HS6ST3: variants seen among roughly 807,000 people sequenced by gnomAD.
HS6ST3 encodes heparan sulfate 6-O-sulfotransferase 3.
Under a neutral mutation model 36.7 loss-of-function variants are expected in HS6ST3, and 12 were observed. The ratio of observed to expected loss-of-function variants is 0.33; its 90% CI spans 0.21 to 0.53. HS6ST3 has a LOEUF of 0.53. HS6ST3 is among the 20% of genes least tolerant of loss of function. The pLI is 0.95. For synonymous variants in HS6ST3, 240 were observed against 257.5 expected, an observed-to-expected ratio of 0.93 and a Z score of 0.65; for missense variants, 584 against 640.9, an observed-to-expected ratio of 0.91 and a Z score of 0.96.
intron 1 of HS6ST3, among the ~76,000 whole-genome samples, chr13:96,170,928 C>T (rs1019310910): frequency 7.9e-5 from 12 of 152,204 alleles, no homozygotes; most frequent in Admixed American, 6.5e-4. Flanking sequence ...CACACGCGCA[C>T]GTGCGCACAC....
intron 1 of HS6ST3, among the ~76,000 whole-genome samples, chr13:96,648,989 G>T (rs577338306): frequency 6.6e-6 from 1 of 152,084 alleles, no homozygotes; most frequent in Admixed American, 6.6e-5. Context: ...CCTCTCTGCA[G>T]ACCCCTATAT....
Position 96,315,960 on chromosome 13 carries a change from C to T in HS6ST3, c.707+224391C>T, listed in dbSNP as rs578162813. ...GTGCAGCAAGCCAGATATACCTCAG[C>T]ACTTGGCTTCTCCCCAGAACTTCGG... On this transcript the variant is annotated intron_variant, in intron 1 of 1. Coordinates refer to ENST00000376705, the MANE Select transcript of HS6ST3 (RefSeq NM_153456.4). Among the ~76,000 whole-genome samples, 46 of 152,236 alleles carry T rather than the reference C, an allele frequency of 3.0e-4. 1 individual carries two copies. The highest frequency in any genetic ancestry group is 9.9e-4 in the African/African-American group (41 of 41,550).
At chr13:96,698,525 A>G (rs1225775126) in intron 1 of HS6ST3, among the ~76,000 whole-genome samples, 3 of 152,200 alleles carry the variant, frequency 2.0e-5, no homozygotes, top group African/African-American at 7.2e-5. Flanking sequence ...CAAAGAGAAT[A>G]AAATACCTAG....
At chr13:96,405,970 C>T (rs971214447) in intron 1 of HS6ST3, among the ~76,000 whole-genome samples, 1 of 152,178 alleles carries the variant, frequency 6.6e-6, no homozygotes, top group Non-Finnish European at 1.5e-5. Context: ...ATAAAATTCT[C>T]ACCTTTTTCC....
At chr13:96,383,044 T>C (rs9513128) in intron 1 of HS6ST3, among the ~76,000 whole-genome samples, 144,509 of 152,306 alleles carry the variant, frequency 0.95, 68,662 homozygotes, top group East Asian at 1. Flanking sequence ...ACAACTTACC[T>C]CCACACTGTG....
At chr13:96,222,760 C>A (rs748699827) in intron 1 of HS6ST3, among the ~76,000 whole-genome samples, 2 of 152,302 alleles carry the variant, frequency 1.3e-5, no homozygotes, top group East Asian at 3.9e-4. Flanking sequence ...ACTTCTATGC[C>A]TTCTATGCCA....
At chr13:96,511,020 G>A (rs1202212056) in intron 1 of HS6ST3, among the ~76,000 whole-genome samples, 1 of 152,048 alleles carries the variant, frequency 6.6e-6, no homozygotes, top group African/African-American at 2.4e-5. Flanking sequence ...GTCCAAAATG[G>A]GATGCTTTGG....
At chr13:96,276,518 A>G (rs74881261) in intron 1 of HS6ST3, among the ~76,000 whole-genome samples, 1,740 of 152,330 alleles carry the variant, frequency 0.011, 36 homozygotes, top group African/African-American at 0.04. Flanking sequence ...TATTTTGGAA[A>G]GAGGACCAGT....
At chr13:96,563,196 TGGCTGTG>T (rs1185204233) in intron 1 of HS6ST3, among the ~76,000 whole-genome samples, 1 of 152,218 alleles carries the variant, frequency 6.6e-6, no homozygotes, top group Non-Finnish European at 1.5e-5. Flanking sequence ...TGACATAGGT[TGGCTGTG>T]GCTTAGGCAA....
At chr13:96,301,364 A>G (rs1223662436) in intron 1 of HS6ST3, among the ~76,000 whole-genome samples, 1 of 152,204 alleles carries the variant, frequency 6.6e-6, no homozygotes, top group South Asian at 2.1e-4. Flanking sequence ...AATAAGATGA[A>G]CTAGGAACAT....
At chr13:96,519,316 G>T (rs1282136750) in intron 1 of HS6ST3, among the ~76,000 whole-genome samples, 1 of 152,212 alleles carries the variant, frequency 6.6e-6, no homozygotes, top group African/African-American at 2.4e-5. Context: ...GTCTCCTAGA[G>T]AAGAGCTATG....
At chr13:96,605,956 C>A (rs1196679123) in intron 1 of HS6ST3, among the ~76,000 whole-genome samples, 1 of 151,688 alleles carries the variant, frequency 6.6e-6, no homozygotes, top group East Asian at 1.9e-4. Flanking sequence ...TACAAGCAGC[C>A]AACACACATG....
chr13:96,684,996 T>C (rs1165970066), intron 1 of HS6ST3, among the ~76,000 whole-genome samples: 1 of 152,136 alleles, frequency 6.6e-6, no homozygotes, highest in East Asian at 1.9e-4. Context: ...GTTAATTTTG[T>C]TCTTTAGCTT....
intron 1 of HS6ST3, among the ~76,000 whole-genome samples, chr13:96,513,828 C>T (rs957306237): frequency 1.3e-5 from 2 of 151,950 alleles, no homozygotes; most frequent in African/African-American, 4.8e-5. Flanking sequence ...AGGAGGCCAT[C>T]TTTGAGCAGA....
At chr13:96,219,152 C>G (rs769572718) in intron 1 of HS6ST3, among the ~76,000 whole-genome samples, 172 of 152,300 alleles carry the variant, frequency 1.1e-3, no homozygotes, top group Non-Finnish European at 2.1e-3. Context: ...ACTAGCTTGC[C>G]TGGCTCACAG....
rs544150684 is a variant in HS6ST3 at position 96,471,684 on chromosome 13, G to C, written c.708-360806G>C. On this transcript the variant is annotated intron_variant, in intron 1 of 1. Coordinates refer to ENST00000376705, the MANE Select transcript of HS6ST3 (RefSeq NM_153456.4). ...TGCACTTTCCTTATTGACACAATGGGATATATTATTCTTATCAAAAGAGCT... is the reference window on the plus strand; with the variant it reads ...TGCACTTTCCTTATTGACACAATGGCATATATTATTCTTATCAAAAGAGCT... Among the ~76,000 whole-genome samples, 3 of 152,208 alleles carry C rather than the reference G, an allele frequency of 2.0e-5. No individual in the cohort carries two copies. In the South Asian group the frequency reaches 6.2e-4, roughly 32 times the overall value.
intron 1 of HS6ST3, among the ~76,000 whole-genome samples, chr13:96,283,768 T>G (rs2054786826): frequency 6.6e-6 from 1 of 152,186 alleles, no homozygotes. Context: ...TTTTAAAAGT[T>G]TAATGTGCAT....
At chr13:96,690,757 CA>C (rs1417894477) in intron 1 of HS6ST3, among the ~76,000 whole-genome samples, 9 of 152,076 alleles carry the variant, frequency 5.9e-5, no homozygotes, top group African/African-American at 2.2e-4. Flanking sequence ...AAATTCATTA[CA>C]AACACATGGG....
At chr13:96,657,140 C>T (rs1365133354) in intron 1 of HS6ST3, among the ~76,000 whole-genome samples, 1 of 152,062 alleles carries the variant, frequency 6.6e-6, no homozygotes, top group East Asian at 1.9e-4. Context: ...AATATTTATT[C>T]AGCACCAACA....
Sources: allele counts gnomAD v4.1 joint callset (sites outside exome capture counted in the v4.1 genomes callset), GRCh38; gene constraint gnomAD v4.1.1; transcripts MANE v1.5; gene names NCBI Gene and HGNC (gene_info 2026-07-23, HGNC 2026-07-21).